The following DCT variants were observed in gnomAD, a reference collection of about 807,000 sequenced individuals.
DCT encodes the protein L-dopachrome tautomerase.
In DCT, 47 loss-of-function variants were observed where a neutral mutation model predicts 53.0. The observed-to-expected ratio is 0.89, with a 90% confidence interval of 0.70 to 1.13. DCT has a LOEUF of 1.13. Among genes scored for constraint, DCT ranks in the 50% most tolerant of loss-of-function variants. The pLI is 0.00. For missense variants in DCT, 669 were observed against 637.4 expected, an observed-to-expected ratio of 1.05 and a Z score of -0.53; for synonymous variants, 244 against 237.0, an observed-to-expected ratio of 1.03 and a Z score of -0.27.
chr13:94,512,373 T>C, the DCT span, among the ~76,000 whole-genome samples: 6 of 152,146 alleles, frequency 3.9e-5, no homozygotes. Flanking sequence ...GGAAATATCA[T>C]CAAGTAACAA....
At chr13:94,489,569 C>G in the DCT span, among the ~76,000 whole-genome samples, 1 of 152,118 alleles carries the variant, frequency 6.6e-6, no homozygotes, top group Non-Finnish European at 1.5e-5. Context: ...TTAAACAATG[C>G]CTCAAATTTC....
At chr13:94,491,775 G>A in the DCT span, among the ~76,000 whole-genome samples, 1 of 152,172 alleles carries the variant, frequency 6.6e-6, no homozygotes, top group Admixed American at 6.5e-5. Context: ...GCCAAATTGG[G>A]TGTAGGGGAG....
chr13:94,452,069 G>C (rs942540754), intron 6 of DCT, among the ~76,000 whole-genome samples: 10 of 151,758 alleles, frequency 6.6e-5, no homozygotes, highest in African/African-American at 2.4e-4. Context: ...TTTCGCTCTT[G>C]TCACCCAGGC....
the DCT span, among the ~76,000 whole-genome samples, chr13:94,486,903 CA>C: frequency 2.0e-5 from 3 of 152,094 alleles, no homozygotes; most frequent in Non-Finnish European, 4.4e-5. Flanking sequence ...AGAAATAAGA[CA>C]AACACACACA....
At chr13:94,538,496 C>T in the DCT span, among the ~76,000 whole-genome samples, 11 of 152,272 alleles carry the variant, frequency 7.2e-5, no homozygotes, top group East Asian at 2.1e-3. Flanking sequence ...TTAGCCTTCT[C>T]CCCTGCCTCC....
chr13:94,468,348 C>G (rs1884368177), intron 2 of DCT: 1 of 196,936 alleles, frequency 5.1e-6, no homozygotes, highest in South Asian at 1.0e-4. Flanking sequence ...TGTGCCTTAG[C>G]ACATGTTCAG....
At chr13:94,449,563 A>G (rs1481266532) in intron 6 of DCT, among the ~76,000 whole-genome samples, 1 of 152,232 alleles carries the variant, frequency 6.6e-6, no homozygotes, top group African/African-American at 2.4e-5. Context: ...TGACAATTCA[A>G]ATGTGATCAC....
intron 3 of DCT, among the ~76,000 whole-genome samples, chr13:94,466,258 G>T (rs1884213342): frequency 6.6e-6 from 1 of 151,750 alleles, no homozygotes; most frequent in South Asian, 2.1e-4. Context: ...GAAGATGTAG[G>T]CTGAAAGGTG....
chr13:94,528,183 G>A, the DCT span, among the ~76,000 whole-genome samples: 27 of 152,230 alleles, frequency 1.8e-4, no homozygotes, highest in South Asian at 4.2e-4. Flanking sequence ...AAAAAGTGAC[G>A]GGGAGAATGG....
In DCT at chr13:94,439,617, A is replaced by C; in HGVS notation, c.*281T>G. 1 of 197,450 alleles carries C rather than the reference A, an allele frequency of 5.1e-6. No individual in the cohort carries two copies. Among genetic ancestry groups the C allele is most frequent in the Non-Finnish European group, 9.8e-6 (1 of 101,738 alleles). 12.2% of individuals were successfully genotyped at this position (197,450 alleles called of 1,614,324 possible). On this transcript the variant is annotated 3_prime_UTR_variant, in exon 8 of 8. Coordinates refer to ENST00000377028, the MANE Select transcript of DCT (RefSeq NM_001922.5). ...TGCTTTCAGAAAAGGAGGAGGCTTA[A>C]TCAATATTGGGGGGGGGGTTATTAT...
the DCT span, among the ~76,000 whole-genome samples, chr13:94,544,334 T>C: frequency 3.9e-5 from 6 of 152,234 alleles, no homozygotes; most frequent in Non-Finnish European, 7.3e-5. Flanking sequence ...TTATTTTTGA[T>C]ACTTTGGACT....
intron 4 of DCT, among the ~76,000 whole-genome samples, chr13:94,462,436 G>C (rs1883875946): frequency 6.6e-6 from 1 of 151,648 alleles, no homozygotes; most frequent in African/African-American, 2.4e-5. Flanking sequence ...GGAGACAGAG[G>C]CTGCAGTGAG....
intron 6 of DCT, 65 bp from the exon 7 acceptor site, chr13:94,443,702 G>T: frequency 1.5e-6 from 2 of 1,306,024 alleles, no homozygotes; most frequent in Non-Finnish European, 2.2e-6. Context: ...CAACCTGACT[G>T]TTGCTTTCTC....
chr13:94,523,722 C>T, the DCT span, among the ~76,000 whole-genome samples: 1 of 152,188 alleles, frequency 6.6e-6, no homozygotes, highest in Non-Finnish European at 1.5e-5. Flanking sequence ...CACTTTTGCC[C>T]TGCCCTAATT....
chr13:94,522,438 C>T, the DCT span, among the ~76,000 whole-genome samples: 1 of 152,218 alleles, frequency 6.6e-6, no homozygotes, highest in South Asian at 2.1e-4. Context: ...TGCTCATCAG[C>T]CTGCAGATGG....
At chr13:94,440,470 T>C (rs1882211231) in intron 7 of DCT, among the ~76,000 whole-genome samples, 1 of 152,078 alleles carries the variant, frequency 6.6e-6, no homozygotes, top group South Asian at 2.1e-4. Flanking sequence ...TGCTATTGTC[T>C]CTACCTTTTT....
chr13:94,520,525 A>G, the DCT span, among the ~76,000 whole-genome samples: 1 of 152,246 alleles, frequency 6.6e-6, no homozygotes, highest in African/African-American at 2.4e-5. Context: ...GCCTCAGATC[A>G]GTTGTGGCTT....
chr13:94,446,408 A>T (rs117070605), intron 6 of DCT, among the ~76,000 whole-genome samples: 165 of 152,292 alleles, frequency 1.1e-3, no homozygotes, highest in East Asian at 5.8e-3. Context: ...GAAATCACAC[A>T]CACTGTACAT....
chr13:94,495,727 A>G, the DCT span, among the ~76,000 whole-genome samples: 2 of 152,192 alleles, frequency 1.3e-5, no homozygotes, highest in African/African-American at 2.4e-5. Context: ...TCATTCCACA[A>G]TTGTGAAGGA....
Sources: allele counts gnomAD v4.1 joint callset (sites outside exome capture counted in the v4.1 genomes callset), GRCh38; gene constraint gnomAD v4.1.1; transcripts MANE v1.5; gene names NCBI Gene and HGNC (gene_info 2026-07-23, HGNC 2026-07-21).